PIK3CD: variants seen among roughly 807,000 people sequenced by gnomAD.
The protein encoded by PIK3CD is phosphatidylinositol-4,5-bisphosphate 3-kinase catalytic subunit delta.
PIK3CD carries 20 observed loss-of-function variants against 122.9 expected under a neutral mutation model. The ratio of observed to expected loss-of-function variants is 0.16; its 90% CI spans 0.11 to 0.24. The LOEUF is 0.24. PIK3CD is among the 10% of genes least tolerant of loss of function. The pLI is 1.00. For synonymous variants in PIK3CD, 596 were observed against 593.4 expected, an observed-to-expected ratio of 1.00 and a Z score of -0.06; for missense variants, 787 against 1,406.3, an observed-to-expected ratio of 0.56 and a Z score of 7.04.
At chr1:9,688,817 G>C (rs1232250859) in intron 1 of PIK3CD, among the ~76,000 whole-genome samples, 7 of 151,886 alleles carry the variant, frequency 4.6e-5, no homozygotes, top group Admixed American at 4.6e-4. Flanking sequence ...AACAGAGCAA[G>C]ACCCTGTCTC....
At chr1:9,642,657 C>A in the PIK3CD span, among the ~76,000 whole-genome samples, 1 of 146,666 alleles carries the variant, frequency 6.8e-6, no homozygotes, top group African/African-American at 2.5e-5. Context: ...GCGGAGCTCG[C>A]AATGAGCTGA....
chr1:9,692,750 TAAATC>T (rs1252822178), intron 2 of PIK3CD, among the ~76,000 whole-genome samples: 3 of 151,898 alleles, frequency 2.0e-5, no homozygotes, highest in Admixed American at 2.0e-4. Context: ...ATAAATAAAA[TAAATC>T]AAAATATAAA....
At chr1:9,708,701 T>G (rs1235503739) in intron 2 of PIK3CD, among the ~76,000 whole-genome samples, 1 of 151,542 alleles carries the variant, frequency 6.6e-6, no homozygotes, top group Non-Finnish European at 1.5e-5. Flanking sequence ...ATACAAAAAT[T>G]AGTTGGACGT....
chr1:9,699,917 A>G (rs1646564589), intron 2 of PIK3CD, among the ~76,000 whole-genome samples: 1 of 151,994 alleles, frequency 6.6e-6, no homozygotes, highest in South Asian at 2.1e-4. Flanking sequence ...TTCTGTCCCC[A>G]CTGCCCGGAA....
chr1:9,668,799 T>C (rs745337592), intron 1 of PIK3CD, among the ~76,000 whole-genome samples: 19 of 152,204 alleles, frequency 1.2e-4, no homozygotes, highest in Non-Finnish European at 2.6e-4. Context: ...TGTCCTCGGC[T>C]GGCTGACTGG....
intron 23 of PIK3CD, among the ~76,000 whole-genome samples, chr1:9,725,637 G>C (rs752855864): frequency 2.0e-5 from 3 of 152,180 alleles, no homozygotes; most frequent in Non-Finnish European, 4.4e-5. Context: ...CCAGCACTTT[G>C]GGGGGCTGAG....
chr1:9,698,165 G>A (rs906408297), intron 2 of PIK3CD, among the ~76,000 whole-genome samples: 27 of 151,326 alleles, frequency 1.8e-4, no homozygotes, highest in Admixed American at 1.2e-3. Flanking sequence ...TTTTTGAGAC[G>A]GAGTTTCGCT....
At chr1:9,678,380 C>T (rs543806631) in intron 1 of PIK3CD, among the ~76,000 whole-genome samples, 120 of 151,958 alleles carry the variant, frequency 7.9e-4, no homozygotes, top group Non-Finnish European at 1.5e-3. Context: ...CGCTTGAGTC[C>T]GGGAGGTTGA....
chr1:9,665,450 G>A (rs886419148), intron 1 of PIK3CD, among the ~76,000 whole-genome samples: 12 of 149,978 alleles, frequency 8.0e-5, no homozygotes, highest in Non-Finnish European at 1.2e-4. Context: ...GATGGGGAGC[G>A]CTCACAAGCT....
At chr1:9,648,135 T>C (rs1466854169), upstream of PIK3CD, among the ~76,000 whole-genome samples, 1 of 152,156 alleles carries the variant, frequency 6.6e-6, no homozygotes, top group Non-Finnish European at 1.5e-5. Context: ...AAAGGGGAGA[T>C]GATAGAAAGA....
chr1:9,692,222 G>A (rs983447289), intron 2 of PIK3CD, among the ~76,000 whole-genome samples: 1 of 152,132 alleles, frequency 6.6e-6, no homozygotes, highest in African/African-American at 2.4e-5. Context: ...GAGACCTGCC[G>A]GTCCCCTTGC....
chr1:9,701,320 GCT>G lies in PIK3CD; in HGVS notation c.-32-9102_-32-9101del, dbSNP rs377739699. ...CGTGTAATTTCTGGCACTTAATCAG[GCT>G]CCATAGATACTGGTGGGATAAATGA... On this transcript the variant is annotated intron_variant, in intron 2 of 23. Transcript: ENST00000377346. Among the ~76,000 whole-genome samples, 341 of 152,206 alleles carry G rather than the reference GCT, an allele frequency of 2.2e-3. 1 individual carries two copies. The highest frequency in any genetic ancestry group is 7.9e-3 in the African/African-American group (329 of 41,520).
rs573382597 is a variant in PIK3CD, at chr1:9,666,227, C to CTTTTTTTT, written c.-138+14449_-138+14456dup. On this transcript the variant is annotated intron_variant, in intron 1 of 23. Coordinates refer to ENST00000377346, the MANE Select transcript of PIK3CD (RefSeq NM_005026.5). ...ACAGGCATGAGCCACCGCGCCCGGT[C>CTTTTTTTT]TTTTTTTTTTTTTTTTTTTTTTTTT... is the stretch of plus-strand genomic sequence containing the variant. Among the ~76,000 whole-genome samples, 191 of 44,204 alleles carry CTTTTTTTT rather than the reference C, an allele frequency of 4.3e-3. 37 individuals are homozygous for CTTTTTTTT. The highest frequency in any genetic ancestry group is 0.038 in the East Asian group (33 of 870). 29.0% of individuals were successfully genotyped at this position (44,204 alleles called of 152,430 possible).
chr1:9,658,385 C>CAA (rs58808659), intron 1 of PIK3CD, among the ~76,000 whole-genome samples: 26,761 of 81,048 alleles, frequency 0.33, 3,834 homozygotes, highest in East Asian at 0.62. Flanking sequence ...GACCCTGTCT[C>CAA]AAAAAAAAAA....
rs1644693521 is a variant in PIK3CD at position 9,652,156 on chromosome 1, C to G, written c.-138+354C>G. Among the ~76,000 whole-genome samples, 2 of 152,146 alleles carry G rather than the reference C, an allele frequency of 1.3e-5. No homozygotes were observed. Among genetic ancestry groups the G allele is most frequent in the African/African-American group, 4.8e-5 (2 of 41,446 alleles). On this transcript the variant is annotated intron_variant, in intron 1 of 23. Transcript: ENST00000377346. The surrounding 1 kb of genome is among the most constrained non-coding windows in gnomAD (Gnocchi z 6.2). ...TGCGCTCACAGCGGCGGTGCGGCCT[C>G]CGGTGCGCCGGCTGAGGCGCGAGGA...
intron 1 of PIK3CD, among the ~76,000 whole-genome samples, chr1:9,669,616 G>C (rs1367968073): frequency 6.6e-6 from 1 of 152,028 alleles, no homozygotes; most frequent in African/African-American, 2.4e-5. Context: ...ATGAGCCTGC[G>C]CCAGACCTCT....
Position 9,722,963 on chromosome 1 carries a change from C to T in PIK3CD, c.2427-162C>T, listed in dbSNP as rs539035331. Among the ~76,000 whole-genome samples, 3 of 152,168 alleles carry T rather than the reference C, an allele frequency of 2.0e-5. No homozygotes were observed. Among genetic ancestry groups the T allele is most frequent in the African/African-American group, 7.2e-5 (3 of 41,428 alleles). On this transcript the variant is annotated intron_variant, in intron 19 of 23. Transcript: ENST00000377346. The surrounding 1 kb of genome is among the most constrained non-coding windows in gnomAD (Gnocchi z 7.6). ...GCTTTCTGCACCTCAGATGCTGGTG[C>T]CGGCATCTCCAAGGAGCCAGCATCT...
Position 9,710,542 on chromosome 1 carries a change from G to T in PIK3CD, c.87G>T (p.Gly29=). ...SVVVDFLLPT[G]VYLNFPVSRN... ...TGGTTGACTTCCTGCTGCCCACAGG[G>T]GTCTACCTGAACTTCCCTGTGTCCC... Residue 29 remains glycine, a synonymous_variant, in exon 3 of 24, where the codon GGG becomes GGT. Coordinates refer to ENST00000377346, the MANE Select transcript of PIK3CD (RefSeq NM_005026.5). This position sits in a 1 kb window ranked among gnomAD's most constrained non-coding sequence, Gnocchi z 4.7. 1 of 1,613,966 alleles carries T rather than the reference G, an allele frequency of 6.2e-7. No individual in the cohort carries two copies. Among genetic ancestry groups the T allele is most frequent in the Non-Finnish European group, 8.5e-7 (1 of 1,179,998 alleles).
chr1:9,708,172 T>G (rs569461910), intron 2 of PIK3CD, among the ~76,000 whole-genome samples: 248 of 151,290 alleles, frequency 1.6e-3, no homozygotes, highest in African/African-American at 5.7e-3. Context: ...CATACAGGCT[T>G]TTTGTTTGTT....
Sources: allele counts gnomAD v4.1 joint callset (sites outside exome capture counted in the v4.1 genomes callset), GRCh38; gene constraint gnomAD v4.1.1; non-coding constraint Gnocchi (gnomAD v3.1); transcripts MANE v1.5; gene names NCBI Gene and HGNC (gene_info 2026-07-23, HGNC 2026-07-21).